The following YWHAQ variants were observed in gnomAD, a reference collection of about 807,000 sequenced individuals.
YWHAQ encodes the protein tyrosine 3-monooxygenase/tryptophan 5-monooxygenase activation protein theta.
A neutral mutation model predicts 28.3 loss-of-function variants in YWHAQ; 6 were observed. That is an observed-to-expected ratio of 0.21 (90% confidence interval 0.12 to 0.42). The LOEUF is 0.42. Among genes scored for constraint, YWHAQ ranks in the 10% least tolerant of loss-of-function variants. The pLI is 1.00. For synonymous variants in YWHAQ, 143 were observed against 119.1 expected, an observed-to-expected ratio of 1.20 and a Z score of -1.31; for missense variants, 201 against 305.6, an observed-to-expected ratio of 0.66 and a Z score of 2.55.
intron 2 of YWHAQ, among the ~76,000 whole-genome samples, chr2:9,602,304 G>GT (rs1666708817): frequency 6.6e-6 from 1 of 152,028 alleles, no homozygotes; most frequent in Admixed American, 6.5e-5. Context: ...CCTCATGCCT[G>GT]TAAGTCCCAG....
intron 2 of YWHAQ, among the ~76,000 whole-genome samples, chr2:9,613,101 T>A (rs181565038): frequency 3.3e-5 from 5 of 152,210 alleles, no homozygotes; most frequent in Non-Finnish European, 5.9e-5. Flanking sequence ...TCTAGCACCC[T>A]ACTACCTCTT....
intron 2 of YWHAQ, among the ~76,000 whole-genome samples, chr2:9,600,288 G>A (rs1251129077): frequency 6.6e-6 from 1 of 152,188 alleles, no homozygotes; most frequent in African/African-American, 2.4e-5. Flanking sequence ...TGACAACAAA[G>A]GACTGAAAAC....
At chr2:9,600,408 T>C (rs1014525158) in intron 2 of YWHAQ, among the ~76,000 whole-genome samples, 16 of 152,184 alleles carry the variant, frequency 1.1e-4, no homozygotes, top group Admixed American at 2.0e-4. Flanking sequence ...TCACATGCTA[T>C]AGAAAAATCG....
intron 3 of YWHAQ, among the ~76,000 whole-genome samples, chr2:9,589,102 GAC>G (rs1016617249): frequency 1.3e-4 from 20 of 152,118 alleles, no homozygotes; most frequent in African/African-American, 4.1e-4. Context: ...CAACCTCAGT[GAC>G]AGTTTGTCTC....
chr2:9,593,923 TACACAC>T (rs1553372602), intron 2 of YWHAQ, among the ~76,000 whole-genome samples: 2 of 135,152 alleles, frequency 1.5e-5, no homozygotes, highest in East Asian at 2.0e-4. Context: ...TATATATATA[TACACAC>T]ACACACACAC....
chr2:9,612,999 C>A (rs888898427), intron 2 of YWHAQ, among the ~76,000 whole-genome samples: 2 of 152,158 alleles, frequency 1.3e-5, no homozygotes, highest in African/African-American at 4.8e-5. Flanking sequence ...ATCCTTGCAG[C>A]TCCTCTCTCA....
intron 2 of YWHAQ, among the ~76,000 whole-genome samples, chr2:9,615,015 A>G (rs45575638): frequency 0.043 from 6,537 of 152,274 alleles, 209 homozygotes; most frequent in Middle Eastern, 0.088. Context: ...AACCCTGGAC[A>G]TGAAGTAGTG....
chr2:9,605,117 A>G (rs1666793900), intron 2 of YWHAQ, among the ~76,000 whole-genome samples: 2 of 150,052 alleles, frequency 1.3e-5, no homozygotes, highest in Admixed American at 6.6e-5. Context: ...AGAAAAAATG[A>G]TAGTTTCCCC....
At chr2:9,622,349 C>A (rs1321249618) in intron 2 of YWHAQ, among the ~76,000 whole-genome samples, 2 of 152,042 alleles carry the variant, frequency 1.3e-5, no homozygotes, top group Admixed American at 6.6e-5. Context: ...CTTTTTCATG[C>A]AAAGTTTCTT....
chr2:9,595,581 G>A (rs1164580473), intron 2 of YWHAQ, among the ~76,000 whole-genome samples: 2 of 151,284 alleles, frequency 1.3e-5, no homozygotes. Context: ...ACACATGCCT[G>A]TAATCCCAGC....
intron 2 of YWHAQ, among the ~76,000 whole-genome samples, chr2:9,605,737 T>G (rs941818347): frequency 3.3e-5 from 5 of 151,976 alleles, no homozygotes; most frequent in African/African-American, 1.2e-4. Context: ...ATTTTTTTTT[T>G]TTTTTGGTAG....
chr2:9,621,595 A>AG (rs1667143792), intron 2 of YWHAQ, among the ~76,000 whole-genome samples: 1 of 114,294 alleles, frequency 8.7e-6, no homozygotes, highest in African/African-American at 6.0e-5. Flanking sequence ...GCATATCACT[A>AG]GTTTTTTTTC....
At chr2:9,603,110 A>G (rs1281822715) in intron 2 of YWHAQ, among the ~76,000 whole-genome samples, 1 of 151,680 alleles carries the variant, frequency 6.6e-6, no homozygotes, top group Non-Finnish European at 1.5e-5. Flanking sequence ...ATAGGTAAAC[A>G]TTCATATAGC....
At chr2:9,608,880 G>T (rs1666889937) in intron 2 of YWHAQ, among the ~76,000 whole-genome samples, 2 of 152,144 alleles carry the variant, frequency 1.3e-5, no homozygotes, top group Admixed American at 1.3e-4. Flanking sequence ...GTACAGGTTT[G>T]CAGTGAGCTG....
At chr2:9,599,018 G>C (rs190522992) in intron 2 of YWHAQ, among the ~76,000 whole-genome samples, 1 of 152,266 alleles carries the variant, frequency 6.6e-6, no homozygotes, top group African/African-American at 2.4e-5. Context: ...AATTAAAAGT[G>C]CTACCCCAGT....
chr2:9,603,300 C>T (rs373007840), intron 2 of YWHAQ, among the ~76,000 whole-genome samples: 6 of 147,498 alleles, frequency 4.1e-5, no homozygotes, highest in African/African-American at 1.0e-4. Flanking sequence ...GCTGGAGTCT[C>T]GCTCTGTTGC....
chr2:9,598,212 A>T lies in YWHAQ; in HGVS notation c.295-6697T>A, dbSNP rs563581159. Among the ~76,000 whole-genome samples, 30 of 152,190 alleles carry T rather than the reference A, an allele frequency of 2.0e-4. No individual in the cohort carries two copies. In the South Asian group the frequency reaches 6.0e-3, roughly 30 times the overall value. On this transcript the variant is annotated intron_variant, in intron 2 of 5. Coordinates refer to ENST00000238081, the MANE Select transcript of YWHAQ (RefSeq NM_006826.4). ...ACACCACACAGAAGACATCAGTCAA[A>T]CTCAAGTTGCAAAGCCTAATCAGAT...
At chr2:9,607,207 CTTTTT>C (rs61190266) in intron 2 of YWHAQ, among the ~76,000 whole-genome samples, 3 of 129,092 alleles carry the variant, frequency 2.3e-5, no homozygotes, top group Non-Finnish European at 3.3e-5. Flanking sequence ...TTTTTTTTTT[CTTTTT>C]TTTTTTGAGA....
intron 2 of YWHAQ, among the ~76,000 whole-genome samples, chr2:9,614,413 C>T (rs1225395883): frequency 6.6e-6 from 1 of 152,144 alleles, no homozygotes; most frequent in African/African-American, 2.4e-5. Context: ...TTGGGAAAGG[C>T]ATCTGTTTTT....
Sources: allele counts gnomAD v4.1 joint callset (sites outside exome capture counted in the v4.1 genomes callset), GRCh38; gene constraint gnomAD v4.1.1; transcripts MANE v1.5; gene names NCBI Gene and HGNC (gene_info 2026-07-23, HGNC 2026-07-21).